The following UCK2 variants were observed in gnomAD, a reference collection of about 807,000 sequenced individuals.
UCK2 encodes cytidine monophosphokinase 2.
Under a neutral mutation model 30.8 loss-of-function variants are expected in UCK2, and 6 were observed. The ratio of observed to expected loss-of-function variants is 0.19; its 90% CI spans 0.11 to 0.38. UCK2 has a LOEUF of 0.38. UCK2 is among the 10% of genes least tolerant of loss of function. The pLI is 1.00. For synonymous variants in UCK2, 125 were observed against 133.6 expected, an observed-to-expected ratio of 0.94 and a Z score of 0.45; for missense variants, 210 against 339.8, an observed-to-expected ratio of 0.62 and a Z score of 3.00.
Position 165,828,603 on chromosome 1 carries a change from T to G in UCK2, c.99+671T>G, listed in dbSNP as rs985120938. Among the ~76,000 whole-genome samples the G allele has an allele frequency of 3.9e-5, 6 of 152,182 alleles. No homozygotes were observed. In the East Asian group the frequency reaches 1.2e-3, roughly 29 times the overall value. On this transcript the variant is annotated intron_variant, in intron 1 of 6. Transcript: ENST00000367879. ...GGTTATAAGAGGAAACGTGGTCGGC[T>G]TCAATGAGAAAGTTGTACTGGCTCC...
chr1:165,861,658 A>AC (rs1654909243), intron 1 of UCK2, among the ~76,000 whole-genome samples: 3 of 49,732 alleles, frequency 6.0e-5, no homozygotes, highest in African/African-American at 2.8e-4. Flanking sequence ...AACAAAAAAA[A>AC]ACAACAGTAA....
rs1375507802 is a variant in UCK2, at chr1:165,909,872, A to C, written c.*2049A>C. On this transcript the variant is annotated 3_prime_UTR_variant, in exon 7 of 7. Transcript: ENST00000367879. ...GTGTCTGGGAGAGCCTTGGCTTTTC[A>C]GTGGGCAGCATGCTCAACTTTACTT... The C allele has an allele frequency of 6.6e-6, 1 of 152,280 alleles. No individual in the cohort carries two copies. Among genetic ancestry groups the C allele is most frequent in the East Asian group, 1.9e-4 (1 of 5,188 alleles). 9.4% of individuals were successfully genotyped at this position (152,280 alleles called of 1,614,324 possible). A position where few individuals can be genotyped will look rare whatever the true frequency, so the allele number is the denominator to read the frequency against.
chr1:165,884,299 G>C (rs1253093275), intron 1 of UCK2, among the ~76,000 whole-genome samples: 1 of 152,230 alleles, frequency 6.6e-6, no homozygotes, highest in Non-Finnish European at 1.5e-5. Flanking sequence ...ACCTGGAGCC[G>C]ATTGGCTGTG....
At chr1:165,900,403 T>A (rs548481947) in intron 4 of UCK2, 3 of 152,312 alleles carry the variant, frequency 2.0e-5, no homozygotes, top group African/African-American at 7.2e-5. Flanking sequence ...TTAAGGAACT[T>A]AAGATTCAAA....
intron 1 of UCK2, among the ~76,000 whole-genome samples, chr1:165,851,368 T>A (rs368289871): frequency 6.6e-6 from 1 of 152,240 alleles, no homozygotes; most frequent in Non-Finnish European, 1.5e-5. Flanking sequence ...AGCCCTCATT[T>A]TGTGCCCATG....
At chr1:165,871,016 T>G (rs1177896569) in intron 1 of UCK2, among the ~76,000 whole-genome samples, 2 of 152,196 alleles carry the variant, frequency 1.3e-5, no homozygotes, top group African/African-American at 4.8e-5. Flanking sequence ...AGTTTCACCA[T>G]GTTGGCCAGG....
chr1:165,832,263 C>T (rs979557351), intron 1 of UCK2, among the ~76,000 whole-genome samples: 1 of 152,228 alleles, frequency 6.6e-6, no homozygotes, highest in Non-Finnish European at 1.5e-5. Flanking sequence ...CTTCCATAGA[C>T]TTACCATATC....
chr1:165,909,502 C>A lies in UCK2; in HGVS notation c.*1679C>A, dbSNP rs192020974. ...GACTCAGCACCATCCAGTCTGATTC[C>A]CCGTTTCTGGGCTCAGTTTGACTCT... On this transcript the variant is annotated 3_prime_UTR_variant, in exon 7 of 7. Transcript: ENST00000367879. 1 of 152,168 alleles carries A rather than the reference C, an allele frequency of 6.6e-6. No individual in the cohort carries two copies. Among genetic ancestry groups the A allele is most frequent in the African/African-American group, 2.4e-5 (1 of 41,436 alleles). The allele number at this position is 152,168 out of a possible 1,614,324, so 9.4% of individuals were successfully genotyped here.
At chr1:165,884,880 C>G (rs1258587115) in intron 1 of UCK2, among the ~76,000 whole-genome samples, 1 of 152,166 alleles carries the variant, frequency 6.6e-6, no homozygotes, top group Non-Finnish European at 1.5e-5. Context: ...AATGGGAAGT[C>G]TCTGCTAAAG....
chr1:165,894,198 T>C (rs986983589), intron 3 of UCK2: 4 of 152,262 alleles, frequency 2.6e-5, no homozygotes, highest in Non-Finnish European at 5.9e-5. Context: ...AAGCATTTCA[T>C]ATAAGGGATA....
At chr1:165,889,344 G>A (rs1248064788) in intron 1 of UCK2, among the ~76,000 whole-genome samples, 1 of 152,256 alleles carries the variant, frequency 6.6e-6, no homozygotes, top group Non-Finnish European at 1.5e-5. Flanking sequence ...ATAAAGAGAT[G>A]TGCAGGGGCT....
intron 1 of UCK2, among the ~76,000 whole-genome samples, chr1:165,880,773 C>G (rs1655474784): frequency 6.6e-6 from 1 of 152,064 alleles, no homozygotes; most frequent in African/African-American, 2.4e-5. Flanking sequence ...TCAAGCATAG[C>G]CCTGTTTTGT....
At chr1:165,827,990 G>C in intron 1 of UCK2, 58 bp downstream of exon 1, 1 of 1,215,786 alleles carries the variant, frequency 8.2e-7, no homozygotes, top group Non-Finnish European at 1.0e-6. Context: ...GGCGGCGCAT[G>C]TGGCCGGCGG....
At chr1:165,846,305 A>C (rs548092425) in intron 1 of UCK2, among the ~76,000 whole-genome samples, 1 of 152,318 alleles carries the variant, frequency 6.6e-6, no homozygotes, top group Non-Finnish European at 1.5e-5. Flanking sequence ...TTGTCTCTAA[A>C]AAACCACAAC....
intron 1 of UCK2, among the ~76,000 whole-genome samples, chr1:165,854,392 T>A (rs1301415615): frequency 2.0e-5 from 3 of 152,142 alleles, no homozygotes; most frequent in Non-Finnish European, 2.9e-5. Context: ...TTCAGATGAT[T>A]CTTGGGTGTC....
chr1:165,884,315 T>C (rs1016849603), intron 1 of UCK2, among the ~76,000 whole-genome samples: 2 of 152,256 alleles, frequency 1.3e-5, no homozygotes, highest in Non-Finnish European at 2.9e-5. Flanking sequence ...CTGTGGTTGC[T>C]AAGTTTTCTT....
chr1:165,864,176 G>A (rs1398196570), intron 1 of UCK2, among the ~76,000 whole-genome samples: 3 of 152,182 alleles, frequency 2.0e-5, no homozygotes, highest in Non-Finnish European at 4.4e-5. Flanking sequence ...TCGAACTCTT[G>A]ACCTCAGGTG....
intron 1 of UCK2, among the ~76,000 whole-genome samples, chr1:165,876,426 TCC>T (rs1655339246): frequency 6.6e-6 from 1 of 152,180 alleles, no homozygotes; most frequent in Non-Finnish European, 1.5e-5. Context: ...ATGCCTATAT[TCC>T]AGATAGCAAC....
At position 165,876,237 on chromosome 1, in the gene UCK2, C is replaced by G. The variant is rs139440253; in HGVS notation, c.100-13967C>G. 4.2e-3 allele frequency among the ~76,000 whole-genome samples: 646 copies of G among 152,358 alleles called. 11 individuals carry two copies. The Middle Eastern group carries it at 0.071, about 17-fold the overall frequency. On this transcript the variant is annotated intron_variant, in intron 1 of 6. Coordinates refer to ENST00000367879, the MANE Select transcript of UCK2 (RefSeq NM_012474.5). ...ACCTCTCTTAAATGGCAGTTTCACA[C>G]ATCTGCAGCCTAGTAATTGCTACTC...
Sources: allele counts gnomAD v4.1 joint callset (sites outside exome capture counted in the v4.1 genomes callset), GRCh38; gene constraint gnomAD v4.1.1; transcripts MANE v1.5; gene names NCBI Gene and HGNC (gene_info 2026-07-23, HGNC 2026-07-21).